FAM240C: variants seen among roughly 807,000 people sequenced by gnomAD.
FAM240C encodes the protein family with sequence similarity 240 member C, also known as protein FAM240C.
In FAM240C, 14 loss-of-function variants were observed where a neutral mutation model predicts 10.0. The observed-to-expected ratio is 1.40, with a 90% CI of 0.92 to 2.19. FAM240C has a LOEUF of 2.19. Among genes scored for constraint, FAM240C ranks in the 30% most tolerant of loss-of-function variants. FAM240C has a pLI of 0.00. For synonymous variants in FAM240C, 49 were observed against 44.3 expected (o/e 1.11, Z -0.42); for missense variants, 154 against 122.3 (o/e 1.26, Z -1.22).
At chr2:241,894,459 G>A (rs1179325297) in intron 2 of FAM240C, 120 bp from the exon 3 acceptor site, 1 of 1,138,384 alleles carries the variant, frequency 8.8e-7, no homozygotes, top group African/African-American at 1.6e-5. Context: ...CTCCCTGCCA[G>A]GGGTGGGGGT....
upstream of FAM240C, chr2:241,900,468 T>C: frequency 1.4e-6 from 1 of 697,042 alleles, no homozygotes; most frequent in Non-Finnish European, 2.7e-6. The surrounding 1 kb of genome is among the most constrained non-coding windows in gnomAD (Gnocchi z 4.5). Context: ...CTCTGTTACA[T>C]GGGCTCAGTG....
At chr2:241,900,714 C>T (rs548563146), upstream of FAM240C, among the ~76,000 whole-genome samples, 28 of 148,224 alleles carry the variant, frequency 1.9e-4, no homozygotes, top group Middle Eastern at 6.8e-3. The surrounding 1 kb of genome is among the most constrained non-coding windows in gnomAD (Gnocchi z 4.5). Context: ...GGAGGGGCGT[C>T]GGGGCACCTA....
At chr2:241,896,500 GA>G (rs1365029064) in intron 2 of FAM240C, among the ~76,000 whole-genome samples, 60 of 12,864 alleles carry the variant, frequency 4.7e-3, no homozygotes, top group Non-Finnish European at 8.8e-3. Flanking sequence ...GGGTGTGGGT[GA>G]AGGGGGTGTG....
chr2:241,900,231 C>T lies in FAM240C; in HGVS notation c.12+127G>A, dbSNP rs78173981. ...AAATTACAAAGTTCAGTTCCCCCAG[C>T]GAAATGCGGGTGGGCTCACGTCTTG... On this transcript the variant is annotated intron_variant, in intron 1 of 2. Coordinates refer to ENST00000404031, the MANE Select transcript of FAM240C (RefSeq NM_001382368.1). This position sits in a 1 kb window ranked among gnomAD's most constrained non-coding sequence, Gnocchi z 4.5. 0.076 allele frequency: 49,846 copies of T among 654,736 alleles called. 2,284 individuals carry two copies. The highest frequency in any genetic ancestry group is 0.16 in the East Asian group (5,660 of 36,200). 40.6% of individuals were successfully genotyped at this position (654,736 alleles called of 1,614,324 possible).
rs556725602 is a variant in FAM240C at position 241,894,334 on chromosome 2, C to A, written c.167G>T (p.Arg56Leu). 1 of 1,545,174 alleles carries A rather than the reference C, an allele frequency of 6.5e-7. No homozygotes were observed. The highest frequency in any genetic ancestry group is 2.4e-5 in the East Asian group (1 of 40,820). The change falls in exon 3 of 3, where the codon CGC (arginine) becomes CTC (leucine). Residue 56 changes from arginine to leucine, a missense_variant. By Grantham distance (102) the Arg-to-Leu change is moderately radical. Coordinates refer to ENST00000404031, the MANE Select transcript of FAM240C (RefSeq NM_001382368.1). Reference sequence around the variant, plus strand: ...CTCCAGCTGCTCAGCCCATCCCACGCGGAGCCTGGGGCAGGGCGATAATTT... The same window carrying A: ...CTCCAGCTGCTCAGCCCATCCCACGAGGAGCCTGGGGCAGGGCGATAATTT... ...RVRRSALNKL[R>L]VGWAEQLEGR...
intron 2 of FAM240C, among the ~76,000 whole-genome samples, chr2:241,896,503 G>GGGGGTGTGGGTGAA (rs1559468252): frequency 2.1e-4 from 6 of 28,582 alleles, no homozygotes; most frequent in Admixed American, 7.4e-4. Context: ...TGTGGGTGAA[G>GGGGGTGTGGGTGAA]GGGGTGTGGG....
chr2:241,895,345 C>T (rs983916740), intron 2 of FAM240C, among the ~76,000 whole-genome samples: 2 of 152,236 alleles, frequency 1.3e-5, no homozygotes, highest in Non-Finnish European at 2.9e-5. Flanking sequence ...CCCTCACAGC[C>T]GGCCGCCCAT....
At chr2:241,900,620 C>T (rs1216272676), upstream of FAM240C, among the ~76,000 whole-genome samples, 6 of 152,190 alleles carry the variant, frequency 3.9e-5, no homozygotes. The surrounding 1 kb of genome is among the most constrained non-coding windows in gnomAD (Gnocchi z 4.5). Context: ...CCTCCTCTGC[C>T]CTCAGCCCCC....
At chr2:241,896,851 G>C (rs1701851738) in intron 2 of FAM240C, among the ~76,000 whole-genome samples, 1 of 147,804 alleles carries the variant, frequency 6.8e-6, no homozygotes, top group African/African-American at 2.5e-5. Flanking sequence ...GTGGGTGAAG[G>C]GGTGTGGGTG....
chr2:241,897,032 G>T (rs1376675974), intron 2 of FAM240C, among the ~76,000 whole-genome samples, 154 bp downstream of exon 2: 1 of 151,918 alleles, frequency 6.6e-6, no homozygotes, highest in Non-Finnish European at 1.5e-5. Context: ...TTTCCTCCTG[G>T]GTTGACTCCT....
In FAM240C at chr2:241,897,332, G is replaced by A; in HGVS notation, c.15C>T (p.Asn5=). 6.5e-7 allele frequency: 1 copy of A among 1,549,308 alleles called. No homozygotes were observed. Among genetic ancestry groups the A allele is most frequent in the Non-Finnish European group, 8.7e-7 (1 of 1,146,172 alleles). ...TCTTAAGAGTGAGGCTTTTACTCAT[G>A]TTCTGGAAAATAAAAAGTGGAGAAG... MVGK[N]MSKSLTLKNP... is the part of the protein sequence containing the mutation. The change falls in exon 2 of 3, where the codon AAC becomes AAT. Residue 5 remains asparagine, a splice_region_variant and synonymous_variant. Coordinates refer to ENST00000404031, the MANE Select transcript of FAM240C (RefSeq NM_001382368.1).
chr2:241,895,530 C>T (rs1005465121), intron 2 of FAM240C, among the ~76,000 whole-genome samples: 2 of 152,246 alleles, frequency 1.3e-5, no homozygotes, highest in Non-Finnish European at 2.9e-5. Context: ...GGGCTCACAC[C>T]AGCACACGGG....
intron 2 of FAM240C, among the ~76,000 whole-genome samples, chr2:241,896,857 G>T (rs1701852204): frequency 6.8e-6 from 1 of 147,756 alleles, no homozygotes; most frequent in Admixed American, 6.7e-5. Context: ...GAAGGGGTGT[G>T]GGTGTGGGGG....
At chr2:241,896,138 G>T (rs918257940) in intron 2 of FAM240C, among the ~76,000 whole-genome samples, 2 of 152,198 alleles carry the variant, frequency 1.3e-5, no homozygotes, top group African/African-American at 4.8e-5. Context: ...CGGGGCCTGA[G>T]CACCGAGGGC....
At chr2:241,899,428 G>A (rs1701931686) in intron 1 of FAM240C, 4 of 752,250 alleles carry the variant, frequency 5.3e-6, no homozygotes, top group Non-Finnish European at 4.9e-6. Context: ...ACGCTGGCGC[G>A]AATTCAGTGA....
upstream of FAM240C, among the ~76,000 whole-genome samples, chr2:241,902,120 C>T (rs528821859): frequency 2.6e-5 from 4 of 152,270 alleles, no homozygotes; most frequent in Admixed American, 6.5e-5. This position sits in a 1 kb window ranked among gnomAD's most constrained non-coding sequence, Gnocchi z 7.1. Context: ...ATGCATTTGC[C>T]GCAGGCTGAG....
At chr2:241,899,055 G>A (rs970723823) in intron 1 of FAM240C, 35 of 1,144,254 alleles carry the variant, frequency 3.1e-5, no homozygotes, top group African/African-American at 2.9e-4. Flanking sequence ...GCAGGAGCGC[G>A]GCCCGAGAGG....
At chr2:241,895,852 C>T (rs1701783448) in intron 2 of FAM240C, among the ~76,000 whole-genome samples, 1 of 151,934 alleles carries the variant, frequency 6.6e-6, no homozygotes, top group Non-Finnish European at 1.5e-5. Context: ...GGGCACATGG[C>T]ACATGCAGGC....
At chr2:241,897,149 C>T in intron 2 of FAM240C, 37 bp downstream of exon 2, 7 of 1,545,216 alleles carry the variant, frequency 4.5e-6, no homozygotes, top group Non-Finnish European at 6.1e-6. Context: ...GTGGCTCAGG[C>T]ATAGGGGTCC....
Sources: allele counts gnomAD v4.1 joint callset (sites outside exome capture counted in the v4.1 genomes callset), GRCh38; gene constraint gnomAD v4.1.1; non-coding constraint Gnocchi (gnomAD v3.1); transcripts MANE v1.5; gene names NCBI Gene and HGNC (gene_info 2026-07-23, HGNC 2026-07-21).